Variants in NRP1 observed in about 807,000 individuals in gnomAD.
NRP1 encodes the protein neuropilin 1.
Under a neutral mutation model 106.7 loss-of-function variants are expected in NRP1, and 35 were observed. The observed-to-expected ratio is 0.33, with a 90% CI of 0.25 to 0.43. The LOEUF (loss-of-function observed/expected upper bound fraction) is 0.43, where lower values mean the gene tolerates loss of function less well. NRP1 is among the 20% of genes least tolerant of loss of function. NRP1 has a pLI of 1.00. For missense variants in NRP1, 1,024 were observed against 1,170.4 expected (o/e 0.87, Z 1.83); for synonymous variants, 437 against 417.9 (o/e 1.05, Z -0.56).
At chr10:33,226,655 C>T (rs1352771509) in intron 6 of NRP1, among the ~76,000 whole-genome samples, 1 of 152,198 alleles carries the variant, frequency 6.6e-6, no homozygotes, top group Non-Finnish European at 1.5e-5. Context: ...GATAGAACAG[C>T]TCTTTAAGTC....
intron 3 of NRP1, among the ~76,000 whole-genome samples, chr10:33,268,126 T>C (rs11009327): frequency 6.6e-6 from 1 of 152,334 alleles, no homozygotes; most frequent in East Asian, 1.9e-4. Context: ...GGGAAAAACA[T>C]TCATGACCTG....
chr10:33,325,758 C>CT (rs977799547), intron 2 of NRP1, among the ~76,000 whole-genome samples: 1 of 152,170 alleles, frequency 6.6e-6, no homozygotes, highest in African/African-American at 2.4e-5. Flanking sequence ...GATTAAACTT[C>CT]TTACGAAGTT....
At chr10:33,263,190 G>A (rs996836132) in intron 4 of NRP1, among the ~76,000 whole-genome samples, 3 of 152,126 alleles carry the variant, frequency 2.0e-5, no homozygotes, top group African/African-American at 7.2e-5. Flanking sequence ...GCATAGTTTA[G>A]CCTTAAAATT....
chr10:33,251,184 T>A (rs1461000449), intron 6 of NRP1, among the ~76,000 whole-genome samples: 2 of 152,154 alleles, frequency 1.3e-5, no homozygotes, highest in Non-Finnish European at 1.5e-5. Flanking sequence ...TTTTATAAGA[T>A]GGTTTGGAAG....
intron 12 of NRP1, among the ~76,000 whole-genome samples, chr10:33,193,836 C>A (rs192145026): frequency 6.6e-6 from 1 of 152,060 alleles, no homozygotes; most frequent in South Asian, 2.1e-4. Flanking sequence ...TATAAGGAAC[C>A]CTTTTCTAGA....
intron 2 of NRP1, among the ~76,000 whole-genome samples, chr10:33,285,700 T>C (rs1844477387): frequency 1.3e-5 from 2 of 152,044 alleles, no homozygotes; most frequent in African/African-American, 2.4e-5. Context: ...TGGTGGTGCA[T>C]GCCTGAAATC....
chr10:33,217,377 TAA>T (rs10711237), intron 8 of NRP1, among the ~76,000 whole-genome samples: 98 of 146,384 alleles, frequency 6.7e-4, no homozygotes, highest in African/African-American at 1.5e-3. Context: ...GCTGCCTCAT[TAA>T]AAAAAAAAAA....
intron 3 of NRP1, among the ~76,000 whole-genome samples, chr10:33,264,549 G>T (rs964972091): frequency 1.1e-4 from 17 of 152,174 alleles, no homozygotes; most frequent in African/African-American, 4.1e-4. Flanking sequence ...AACCTTCCCC[G>T]AAGTATCAGA....
chr10:33,278,966 C>A (rs893485332), intron 2 of NRP1, among the ~76,000 whole-genome samples: 1 of 151,920 alleles, frequency 6.6e-6, no homozygotes, highest in African/African-American at 2.4e-5. Flanking sequence ...GAAGAAAAAA[C>A]AAAATATCAA....
chr10:33,326,792 C>T (rs1589002668), intron 2 of NRP1, among the ~76,000 whole-genome samples: 1 of 152,102 alleles, frequency 6.6e-6, no homozygotes, highest in East Asian at 1.9e-4. Flanking sequence ...CCTTTGACAG[C>T]CACTGCAAAA....
In NRP1 at chr10:33,199,365, T is replaced by TTATATATATATATATA. The variant is rs57582967; in HGVS notation, c.1865-1657_1865-1656insTATATATATATATATA. ...GTGTGCGCCACCATGCCTGGCTGTTTTCTATATATATATATATATATATAT... is the reference window on the plus strand; with the variant it reads ...GTGTGCGCCACCATGCCTGGCTGTTTTATATATATATATATATCTATATATATATATATATATATAT... On this transcript the variant is annotated intron_variant, in intron 11 of 16. Coordinates refer to ENST00000374867, the MANE Select transcript of NRP1 (RefSeq NM_003873.7). Among the ~76,000 whole-genome samples the TTATATATATATATATA allele has an allele frequency of 2.4e-3, 155 of 64,248 alleles. 4 individuals are homozygous for TTATATATATATATATA. The highest frequency in any genetic ancestry group is 0.012 in the East Asian group (8 of 644). The allele number at this position is 64,248 out of a possible 152,430, so 42.1% of individuals were successfully genotyped here.
rs752739380 is a variant in NRP1, at chr10:33,263,893, A to G, written c.431-20T>C. 8.1e-6 allele frequency: 12 copies of G among 1,489,912 alleles called. No homozygotes were observed. The South Asian group carries it at 1.3e-4, about 16-fold the overall frequency. 92.3% of individuals were successfully genotyped at this position (1,489,912 alleles called of 1,614,324 possible). ...CAGGACCTATGAGTAGAAGAGAAAA[A>G]GGAGTAAAGTGAAAATCCCACTTAA... On this transcript the variant is annotated intron_variant, in intron 3 of 16. Transcript: ENST00000374867.
At chr10:33,314,075 C>T (rs1430623327) in intron 2 of NRP1, among the ~76,000 whole-genome samples, 1 of 147,542 alleles carries the variant, frequency 6.8e-6, no homozygotes, top group Non-Finnish European at 1.5e-5. Flanking sequence ...TCCCTCCCTC[C>T]CTCCCTCCTC....
chr10:33,224,924 C>T (rs578019616), intron 7 of NRP1, among the ~76,000 whole-genome samples: 28 of 152,288 alleles, frequency 1.8e-4, no homozygotes, highest in Admixed American at 1.7e-3. Flanking sequence ...TGGTAGGTGC[C>T]TCATTAGAGT....
intron 10 of NRP1, among the ~76,000 whole-genome samples, chr10:33,207,251 T>G (rs1564381130): frequency 1.3e-5 from 2 of 152,212 alleles, no homozygotes; most frequent in Non-Finnish European, 2.9e-5. Flanking sequence ...TAACTGCCAC[T>G]GAGTTGTTCC....
rs1200649110 is a variant in NRP1 at position 33,178,725 on chromosome 10, T to G, written c.*1351A>C. The G allele has an allele frequency of 6.6e-6, 1 of 152,510 alleles. No individual in the cohort carries two copies. The highest frequency in any genetic ancestry group is 1.5e-5 in the Non-Finnish European group (1 of 68,046). The allele number at this position is 152,510 out of a possible 1,614,324, so 9.4% of individuals were successfully genotyped here. ...GGTCTCACTTGAAAGCCAATTTGTA[T>G]TATTTCTTTCCTCAACTTATCACTA... On this transcript the variant is annotated 3_prime_UTR_variant, in exon 17 of 17. Coordinates refer to ENST00000374867, the MANE Select transcript of NRP1 (RefSeq NM_003873.7).
chr10:33,246,583 A>AAC lies in NRP1; in HGVS notation c.981+7443_981+7444dup, dbSNP rs59215824. Among the ~76,000 whole-genome samples the AAC allele has an allele frequency of 4.8e-3, 656 of 137,654 alleles. 4 individuals carry two copies. The highest frequency in any genetic ancestry group is 0.011 in the South Asian group (46 of 4,338). The allele number at this position is 137,654 out of a possible 152,430, so 90.3% of individuals were successfully genotyped here. On this transcript the variant is annotated intron_variant, in intron 6 of 16. Coordinates refer to ENST00000374867, the MANE Select transcript of NRP1 (RefSeq NM_003873.7). ...CAGCATATTAGTATTAGTTGCAATA[A>AAC]ACACACACACACACACACACACACA...
chr10:33,193,478 C>T (rs1405643589), intron 12 of NRP1, among the ~76,000 whole-genome samples: 1 of 152,192 alleles, frequency 6.6e-6, no homozygotes, highest in Non-Finnish European at 1.5e-5. Context: ...GCTGTTTTCT[C>T]CAGTGACGAA....
At chr10:33,286,577 C>T (rs1844572812) in intron 2 of NRP1, among the ~76,000 whole-genome samples, 1 of 152,090 alleles carries the variant, frequency 6.6e-6, no homozygotes, top group Non-Finnish European at 1.5e-5. Context: ...CATAGATGGC[C>T]CCAAGCACCA....
Sources: gnomAD v4.1 joint callset for allele counts (sites outside exome capture counted in the v4.1 genomes callset) on GRCh38, gnomAD v4.1.1 for gene constraint, MANE v1.5 for transcripts, NCBI Gene and HGNC (gene_info 2026-07-23, HGNC 2026-07-21) for gene names.